Variants in SPON1 observed in about 807,000 individuals in gnomAD.
The protein encoded by SPON1 is spondin 1, also known as spondin-1.
SPON1 carries 52 observed loss-of-function variants against 111.7 expected under a neutral mutation model. The ratio of observed to expected loss-of-function variants is 0.47; its 90% confidence interval spans 0.37 to 0.59. The LOEUF (loss-of-function observed/expected upper bound fraction) is 0.59, where lower values mean the gene tolerates loss of function less well. SPON1 is among the 20% of genes least tolerant of loss of function. The pLI is 0.00. For missense variants in SPON1, 957 were observed against 1,068.5 expected, an observed-to-expected ratio of 0.90 and a Z score of 1.46; for synonymous variants, 410 against 395.8, an observed-to-expected ratio of 1.04 and a Z score of -0.43.
intron 5 of SPON1, among the ~76,000 whole-genome samples, chr11:14,133,306 A>T (rs1261023673): frequency 3.9e-5 from 6 of 152,230 alleles, no homozygotes; most frequent in Admixed American, 6.5e-5. Context: ...CACACTAGGC[A>T]CAGCACTAGG....
intron 6 of SPON1, among the ~76,000 whole-genome samples, chr11:14,144,063 A>G (rs1366731997): frequency 2.0e-5 from 3 of 152,200 alleles, no homozygotes; most frequent in Non-Finnish European, 4.4e-5. Context: ...TAGATTTTAC[A>G]TTTGAAAAAC....
chr11:14,260,779 A>ATCAC (rs1405420972), intron 14 of SPON1, 27 bp downstream of exon 14: 20 of 1,604,798 alleles, frequency 1.2e-5, no homozygotes, highest in Non-Finnish European at 1.7e-5. Flanking sequence ...CTCAAGGCCC[A>ATCAC]TCACTTCTAT....
chr11:14,182,981 A>G (rs966807908), intron 6 of SPON1, among the ~76,000 whole-genome samples: 15 of 152,226 alleles, frequency 9.9e-5, no homozygotes, highest in African/African-American at 3.1e-4. Context: ...ATATAACAAA[A>G]TAAATAAAGA....
At chr11:14,017,935 C>T (rs560579197) in intron 2 of SPON1, among the ~76,000 whole-genome samples, 2 of 152,196 alleles carry the variant, frequency 1.3e-5, no homozygotes, top group South Asian at 2.1e-4. Flanking sequence ...ACTAATGAGT[C>T]GGACTATTTG....
rs1847941574 is a variant in SPON1 at position 14,161,003 on chromosome 11, TTATATATTTATATATCTA to T, written c.825+25451_825+25468del. On this transcript the variant is annotated intron_variant, in intron 6 of 15. Transcript: ENST00000576479. Reference sequence around the variant, plus strand: ...TATATTTATATATATTTTTATATATTTATATATTTATATATCTATATATATTTATATATATCTATATAT... The same window carrying T: ...TATATTTATATATATTTTTATATATTTATATATTTATATATATCTATATAT... Among the ~76,000 whole-genome samples the T allele has an allele frequency of 5.8e-5, 3 of 51,428 alleles. 1 individual carries two copies. The highest frequency in any genetic ancestry group is 9.8e-5 in the Non-Finnish European group (3 of 30,554). 33.7% of individuals were successfully genotyped at this position (51,428 alleles called of 152,430 possible).
intron 5 of SPON1, among the ~76,000 whole-genome samples, chr11:14,113,024 T>C (rs1018337323): frequency 5.3e-5 from 8 of 152,248 alleles, no homozygotes; most frequent in Admixed American, 5.2e-4. Context: ...GTCTTGATTC[T>C]GACAGCACCC....
chr11:14,027,895 T>G lies in SPON1; in HGVS notation c.346-13626T>G, dbSNP rs1848530682. 2.0e-5 allele frequency among the ~76,000 whole-genome samples: 3 copies of G among 152,230 alleles called. No individual in the cohort carries two copies. The South Asian group carries it at 6.2e-4, about 31-fold the overall frequency. On this transcript the variant is annotated intron_variant, in intron 2 of 15. Coordinates refer to ENST00000576479, the MANE Select transcript of SPON1 (RefSeq NM_006108.4). ...GCTATATAAAACTTAAAAGGCTGATTTATTTCCTAGGCATTAGACTACATT... is the reference window on the plus strand; with the variant it reads ...GCTATATAAAACTTAAAAGGCTGATGTATTTCCTAGGCATTAGACTACATT...
intron 5 of SPON1, among the ~76,000 whole-genome samples, chr11:14,089,716 C>A (rs1849034747): frequency 6.6e-6 from 1 of 152,150 alleles, no homozygotes; most frequent in African/African-American, 2.4e-5. Flanking sequence ...AGCTGGCAGG[C>A]AGGAATGTTT....
chr11:13,980,222 A>T (rs1293666463), intron 1 of SPON1, among the ~76,000 whole-genome samples: 2 of 151,950 alleles, frequency 1.3e-5, no homozygotes, highest in African/African-American at 4.8e-5. Flanking sequence ...TTGTATTTTT[A>T]GTAGAGATGG....
intron 7 of SPON1, among the ~76,000 whole-genome samples, chr11:14,249,908 C>T (rs903139947): frequency 1.3e-5 from 2 of 152,234 alleles, no homozygotes; most frequent in Non-Finnish European, 2.9e-5. Context: ...GCCCTCATCA[C>T]ATAGCTATTA....
intron 6 of SPON1, among the ~76,000 whole-genome samples, chr11:14,233,407 C>T (rs1848824860): frequency 6.6e-6 from 1 of 152,150 alleles, no homozygotes; most frequent in Non-Finnish European, 1.5e-5. Flanking sequence ...GAGCAGCCAG[C>T]AGGATCCTTT....
At chr11:14,217,979 T>G (rs1488407366) in intron 6 of SPON1, among the ~76,000 whole-genome samples, 1 of 152,156 alleles carries the variant, frequency 6.6e-6, no homozygotes, top group Non-Finnish European at 1.5e-5. Flanking sequence ...TCAGAAACCC[T>G]GGGGGTAGGG....
At chr11:14,175,550 C>A (rs1269178654) in intron 6 of SPON1, among the ~76,000 whole-genome samples, 2 of 152,172 alleles carry the variant, frequency 1.3e-5, no homozygotes. Context: ...TTACAAAGTA[C>A]ACCAGATTTG....
At position 14,182,137 on chromosome 11, in the gene SPON1, G is replaced by A. The variant is rs546888876; in HGVS notation, c.825+46569G>A. Among the ~76,000 whole-genome samples the A allele has an allele frequency of 8.5e-5, 13 of 152,270 alleles. No individual in the cohort carries two copies. The East Asian group carries it at 2.3e-3, about 27-fold the overall frequency. ...TCCTAAGTCTCCCAAATGGAGAGGG[G>A]TCTCTAACACTCTTAAGCTCCCTGA... is the stretch of plus-strand genomic sequence containing the variant. On this transcript the variant is annotated intron_variant, in intron 6 of 15. Transcript: ENST00000576479.
At chr11:14,261,431 G>C (rs1410290914) in intron 14 of SPON1, among the ~76,000 whole-genome samples, 1 of 152,174 alleles carries the variant, frequency 6.6e-6, no homozygotes, top group Non-Finnish European at 1.5e-5. Context: ...CCCTCCCCTA[G>C]CTAGTAACCT....
At chr11:14,121,639 A>G (rs1847390245) in intron 5 of SPON1, among the ~76,000 whole-genome samples, 1 of 152,172 alleles carries the variant, frequency 6.6e-6, no homozygotes, top group African/African-American at 2.4e-5. Flanking sequence ...GAAGCTCTTC[A>G]GTGAAGAAGA....
chr11:14,091,385 C>G (rs1255956892), intron 5 of SPON1, among the ~76,000 whole-genome samples: 1 of 152,194 alleles, frequency 6.6e-6, no homozygotes, highest in African/African-American at 2.4e-5. Context: ...GGGGGTGGTG[C>G]TCGTTGGGGA....
chr11:14,235,095 G>A (rs574361263), intron 6 of SPON1, among the ~76,000 whole-genome samples: 4 of 152,156 alleles, frequency 2.6e-5, no homozygotes, highest in Non-Finnish European at 5.9e-5. Context: ...GTGCTGGCAC[G>A]GCTCTATGCT....
chr11:14,003,748 C>T (rs1198179598), intron 2 of SPON1, among the ~76,000 whole-genome samples: 8 of 152,110 alleles, frequency 5.3e-5, no homozygotes, highest in African/African-American at 1.9e-4. Context: ...ATGGTTACTG[C>T]AGTGAAGTAG....
Sources: gnomAD v4.1 joint callset for allele counts (sites outside exome capture counted in the v4.1 genomes callset) on GRCh38, gnomAD v4.1.1 for gene constraint, MANE v1.5 for transcripts, NCBI Gene and HGNC (gene_info 2026-07-23, HGNC 2026-07-21) for gene names.